LIMCH1: variants seen among roughly 807,000 people sequenced by gnomAD.
The protein encoded by LIMCH1 is LIM and calponin homology domains 1.
LIMCH1 carries 113 observed loss-of-function variants against 176.5 expected under a neutral mutation model. The ratio of observed to expected loss-of-function variants is 0.64; its 90% CI spans 0.55 to 0.75. The LOEUF (loss-of-function observed/expected upper bound fraction) is 0.75. Among genes scored for constraint, LIMCH1 ranks in the 30% least tolerant of loss-of-function variants. The pLI is 0.00. For synonymous variants in LIMCH1, 619 were observed against 645.9 expected, an observed-to-expected ratio of 0.96 and a Z score of 0.63; for missense variants, 1,674 against 1,814.9, an observed-to-expected ratio of 0.92 and a Z score of 1.41.
chr4:41,524,701 C>G (rs2152415245), intron 3 of LIMCH1, among the ~76,000 whole-genome samples: 1 of 152,250 alleles, frequency 6.6e-6, no homozygotes, highest in South Asian at 2.1e-4. Flanking sequence ...TGATAAGGAC[C>G]TTCATTCTCA....
At chr4:41,491,572 GAT>G in intron 1 of LIMCH1, among the ~76,000 whole-genome samples, 1 of 149,676 alleles carries the variant, frequency 6.7e-6, no homozygotes, top group South Asian at 2.1e-4. Flanking sequence ...CATCCCAGAC[GAT>G]GAGCGGTCAG....
chr4:41,668,007 A>G (rs1316213088), intron 21 of LIMCH1, among the ~76,000 whole-genome samples: 3 of 152,156 alleles, frequency 2.0e-5, no homozygotes, highest in Non-Finnish European at 2.9e-5. Context: ...CATTTTTTAA[A>G]AAAAGAAACA....
At chr4:41,467,176 C>T (rs201036000) in intron 1 of LIMCH1, among the ~76,000 whole-genome samples, 53,487 of 144,656 alleles carry the variant, frequency 0.37, 11,862 homozygotes, top group African/African-American at 0.62. Context: ...CACACACACA[C>T]ACACACACAC....
intron 14 of LIMCH1, among the ~76,000 whole-genome samples, chr4:41,643,882 C>T (rs548220669): frequency 6.6e-6 from 1 of 152,234 alleles, no homozygotes; most frequent in Non-Finnish European, 1.5e-5. Flanking sequence ...TTACAATGAA[C>T]ATATACATCA....
chr4:41,619,353 C>T lies in LIMCH1; in HGVS notation c.371C>T (p.Pro124Leu), dbSNP rs1211551406. Residue 124 changes from proline to leucine, a missense_variant, in exon 6 of 32, where the codon CCT becomes CTT. This residue lies in a region of LIMCH1 where 655 missense variants were observed against 692.2 expected (regional missense o/e 0.95). Coordinates refer to ENST00000503057, the MANE Select transcript of LIMCH1 (RefSeq NM_001330672.2). The part of the protein sequence containing the change: ...KSNQTAYVPA[P>L]LRKKKAEREE... ...AATCAGACGGCCTACGTCCCCGCGC[C>T]TCTGAGAAAGAAGAAAGCAGAGAGA... 15 of 1,614,182 alleles carry T rather than the reference C, an allele frequency of 9.3e-6. No individual in the cohort carries two copies. Among genetic ancestry groups the T allele is most frequent in the Non-Finnish European group, 1.2e-5 (14 of 1,180,034 alleles).
At chr4:41,507,724 A>G (rs1036809894) in intron 2 of LIMCH1, among the ~76,000 whole-genome samples, 1 of 152,180 alleles carries the variant, frequency 6.6e-6, no homozygotes, top group African/African-American at 2.4e-5. Context: ...TTTGGCACAT[A>G]TAGAGGATAG....
chr4:41,518,085 C>T (rs1342101043), intron 2 of LIMCH1, among the ~76,000 whole-genome samples: 1 of 152,150 alleles, frequency 6.6e-6, no homozygotes, highest in Non-Finnish European at 1.5e-5. Flanking sequence ...TTCTGTTCTT[C>T]CCGAAACTCT....
intron 3 of LIMCH1, among the ~76,000 whole-genome samples, chr4:41,529,525 A>T (rs1436083347): frequency 6.6e-6 from 1 of 152,200 alleles, no homozygotes; most frequent in African/African-American, 2.4e-5. Flanking sequence ...AGGACATCTT[A>T]GATGTGTTTG....
chr4:41,578,080 C>T (rs1022783464), intron 1 of LIMCH1, among the ~76,000 whole-genome samples: 1 of 152,178 alleles, frequency 6.6e-6, no homozygotes, highest in Non-Finnish European at 1.5e-5. Context: ...TCTATACCAG[C>T]CCTACAATGC....
At chr4:41,644,923 G>A (rs1282446464) in intron 15 of LIMCH1, among the ~76,000 whole-genome samples, 1 of 152,136 alleles carries the variant, frequency 6.6e-6, no homozygotes, top group Non-Finnish European at 1.5e-5. Flanking sequence ...TATCTTCTGA[G>A]GTTATATATT....
chr4:41,594,110 A>G (rs1172333426), intron 1 of LIMCH1, among the ~76,000 whole-genome samples: 1 of 152,218 alleles, frequency 6.6e-6, no homozygotes, highest in Non-Finnish European at 1.5e-5. Context: ...CACCTAAAAA[A>G]TTAACATTCA....
intron 3 of LIMCH1, among the ~76,000 whole-genome samples, chr4:41,529,772 C>T (rs955065325): frequency 7.9e-5 from 12 of 151,886 alleles, no homozygotes; most frequent in African/African-American, 1.7e-4. Flanking sequence ...TTCTTTCTGT[C>T]GGCCAATACC....
At chr4:41,518,233 T>C (rs943064990) in intron 2 of LIMCH1, among the ~76,000 whole-genome samples, 56 of 152,348 alleles carry the variant, frequency 3.7e-4, no homozygotes, top group Middle Eastern at 3.4e-3. Flanking sequence ...TGCCCATTGC[T>C]ATAATTCCTA....
intron 4 of LIMCH1, among the ~76,000 whole-genome samples, chr4:41,611,943 T>A (rs1447878908): frequency 6.6e-6 from 1 of 152,218 alleles, no homozygotes; most frequent in African/African-American, 2.4e-5. Flanking sequence ...GTTCAAGTCC[T>A]GGTTAACTTT....
intron 2 of LIMCH1, among the ~76,000 whole-genome samples, chr4:41,522,082 A>G (rs750128336): frequency 5.3e-5 from 8 of 152,118 alleles, no homozygotes; most frequent in Non-Finnish European, 7.4e-5. Flanking sequence ...TATTTTTTCT[A>G]CTTTGCCTAA....
chr4:41,363,692 G>A (rs186121014), intron 1 of LIMCH1, among the ~76,000 whole-genome samples: 5 of 152,268 alleles, frequency 3.3e-5, no homozygotes, highest in African/African-American at 4.8e-5. Flanking sequence ...GCCTGGGAAC[G>A]ATTCCCCCAC....
intron 31 of LIMCH1, among the ~76,000 whole-genome samples, chr4:41,696,654 C>G (rs139000406): frequency 5.3e-5 from 8 of 152,150 alleles, no homozygotes; most frequent in Non-Finnish European, 1.2e-4. Flanking sequence ...AATTCTGTGT[C>G]GTTTATCTGA....
chr4:41,451,466 C>T (rs905196717), intron 1 of LIMCH1, among the ~76,000 whole-genome samples: 4 of 152,010 alleles, frequency 2.6e-5, no homozygotes, highest in African/African-American at 9.7e-5. Flanking sequence ...TTTTTATGGT[C>T]GAAAGAAGGC....
intron 1 of LIMCH1, among the ~76,000 whole-genome samples, chr4:41,465,388 A>C (rs745929802): frequency 1.7e-4 from 26 of 152,198 alleles, no homozygotes; most frequent in Non-Finnish European, 3.4e-4. Flanking sequence ...AGTGAGGTCC[A>C]AAATGTCTTG....
Sources: gnomAD v4.1 joint callset for allele counts (sites outside exome capture counted in the v4.1 genomes callset) on GRCh38, gnomAD v4.1.1 for gene constraint, gnomAD v4.1.1 regional missense constraint, MANE v1.5 for transcripts, NCBI Gene and HGNC (gene_info 2026-07-23, HGNC 2026-07-21) for gene names.